CACNA1D: variants seen among roughly 807,000 people sequenced by gnomAD.
CACNA1D encodes the protein calcium voltage-gated channel subunit alpha1 D.
Under a neutral mutation model 257.1 loss-of-function variants are expected in CACNA1D, and 55 were observed. That is an observed-to-expected ratio of 0.21 (90% CI 0.17 to 0.27). The LOEUF (loss-of-function observed/expected upper bound fraction) is 0.27. Among genes scored for constraint, CACNA1D ranks in the 10% least tolerant of loss-of-function variants. CACNA1D has a pLI of 1.00. For missense variants in CACNA1D, 1,876 were observed against 2,784.0 expected, an observed-to-expected ratio of 0.67 and a Z score of 7.34; for synonymous variants, 980 against 1,014.9, an observed-to-expected ratio of 0.97 and a Z score of 0.65.
intron 8 of CACNA1D, among the ~76,000 whole-genome samples, chr3:53,680,113 A>T (rs988359417): frequency 6.6e-6 from 1 of 152,220 alleles, no homozygotes; most frequent in African/African-American, 2.4e-5. Flanking sequence ...CACACCTGAC[A>T]TTAACAAGTG....
intron 3 of CACNA1D, among the ~76,000 whole-genome samples, chr3:53,551,002 T>TG (rs984449354): frequency 2.6e-5 from 4 of 152,210 alleles, no homozygotes. Context: ...AAGGCCTAAC[T>TG]GTTTGCCAAA....
intron 3 of CACNA1D, among the ~76,000 whole-genome samples, chr3:53,605,992 C>G (rs1281480786): frequency 1.3e-5 from 2 of 152,144 alleles, no homozygotes; most frequent in African/African-American, 4.8e-5. Flanking sequence ...GCCTCTGGAC[C>G]TGTTTGTTTC....
intron 3 of CACNA1D, among the ~76,000 whole-genome samples, chr3:53,530,079 G>A (rs1365767451): frequency 2.6e-5 from 4 of 152,148 alleles, no homozygotes; most frequent in Non-Finnish European, 5.9e-5. Context: ...TACTGCTGTA[G>A]TTTGTTCTTG....
chr3:53,612,700 C>T (rs1392586846), intron 3 of CACNA1D, among the ~76,000 whole-genome samples: 1 of 152,144 alleles, frequency 6.6e-6, no homozygotes, highest in Non-Finnish European at 1.5e-5. Flanking sequence ...GTTTCCTCAG[C>T]TCAGTGAGAC....
intron 10 of CACNA1D, 163 bp downstream of exon 10, chr3:53,718,551 G>T: frequency 9.6e-7 from 1 of 1,046,392 alleles, no homozygotes; most frequent in Non-Finnish European, 1.4e-6. Flanking sequence ...CTGTGCCAGG[G>T]CTATCCCTCC....
chr3:53,647,092 C>T (rs1168378966), intron 3 of CACNA1D, among the ~76,000 whole-genome samples: 1 of 151,876 alleles, frequency 6.6e-6, no homozygotes, highest in African/African-American at 2.4e-5. Flanking sequence ...GCCTTTGTTT[C>T]TCTAGTGGCT....
intron 3 of CACNA1D, among the ~76,000 whole-genome samples, chr3:53,567,435 G>A (rs771816711): frequency 1.3e-5 from 2 of 152,170 alleles, no homozygotes; most frequent in Non-Finnish European, 2.9e-5. Flanking sequence ...ATTCACAAAT[G>A]TCAGACCTCA....
intron 8 of CACNA1D, among the ~76,000 whole-genome samples, chr3:53,674,908 T>G (rs1244641272): frequency 1.3e-5 from 2 of 152,180 alleles, no homozygotes; most frequent in African/African-American, 4.8e-5. Flanking sequence ...CTCACTCACT[T>G]TATCTTGCTC....
chr3:53,709,004 A>G (rs1421182023), intron 9 of CACNA1D, among the ~76,000 whole-genome samples: 1 of 152,156 alleles, frequency 6.6e-6, no homozygotes, highest in East Asian at 1.9e-4. Context: ...ACAATGGACT[A>G]TGCACTCTAC....
intron 8 of CACNA1D, among the ~76,000 whole-genome samples, chr3:53,688,895 A>G (rs556136923): frequency 3.1e-4 from 47 of 152,274 alleles, no homozygotes; most frequent in Non-Finnish European, 5.6e-4. Flanking sequence ...GGGTGAGAGT[A>G]CACCACCTGC....
intron 3 of CACNA1D, among the ~76,000 whole-genome samples, chr3:53,525,909 C>T (rs1186492060): frequency 6.6e-6 from 1 of 152,156 alleles, no homozygotes; most frequent in South Asian, 2.1e-4. Context: ...CTCAGGCGCT[C>T]AAATGATGTC....
chr3:53,642,640 T>A (rs1183979188), intron 3 of CACNA1D, among the ~76,000 whole-genome samples: 3 of 152,244 alleles, frequency 2.0e-5, no homozygotes, highest in Non-Finnish European at 4.4e-5. Flanking sequence ...CCAGGCATGC[T>A]GCTGCCCTCT....
In CACNA1D at chr3:53,778,807, A is replaced by G. The variant is rs879240954; in HGVS notation, c.4588-1219A>G. 2.0e-5 allele frequency among the ~76,000 whole-genome samples: 3 copies of G among 152,192 alleles called. No individual in the cohort carries two copies. In the South Asian group the frequency reaches 6.2e-4, roughly 32 times the overall value. On this transcript the variant is annotated intron_variant, in intron 37 of 47. Transcript: ENST00000350061. Reference sequence around the variant, plus strand: ...GTGGGGAGCATGGATCCTGCTCTGAAAGACCAAAGCCTGGGAGAAGCCACA... The same window carrying G: ...GTGGGGAGCATGGATCCTGCTCTGAGAGACCAAAGCCTGGGAGAAGCCACA...
At chr3:53,767,359 G>A (rs576431845) in intron 30 of CACNA1D, among the ~76,000 whole-genome samples, 12 of 152,164 alleles carry the variant, frequency 7.9e-5, no homozygotes, top group Non-Finnish European at 1.3e-4. Context: ...GAGGTCAGGA[G>A]TTGGAGACCA....
chr3:53,609,773 C>T (rs1187413354), intron 3 of CACNA1D, among the ~76,000 whole-genome samples: 1 of 152,034 alleles, frequency 6.6e-6, no homozygotes, highest in African/African-American at 2.4e-5. Context: ...TTTACTTTTG[C>T]GCTTGCCGTT....
chr3:53,588,944 C>G (rs1240770847), intron 3 of CACNA1D, among the ~76,000 whole-genome samples: 2 of 152,146 alleles, frequency 1.3e-5, no homozygotes, highest in Non-Finnish European at 2.9e-5. Context: ...TTTTGGAGAA[C>G]ACCTTTAATT....
chr3:53,509,588 G>A (rs1334299915), intron 3 of CACNA1D, among the ~76,000 whole-genome samples: 1 of 152,174 alleles, frequency 6.6e-6, no homozygotes, highest in Admixed American at 6.5e-5. Context: ...GAGGCTGGAG[G>A]GAATCAGGGG....
At chr3:53,533,391 T>G (rs1000006378) in intron 3 of CACNA1D, among the ~76,000 whole-genome samples, 7 of 152,152 alleles carry the variant, frequency 4.6e-5, no homozygotes, top group African/African-American at 1.7e-4. Flanking sequence ...GGGGTGACTT[T>G]GGCCAAAAAA....
At chr3:53,637,769 C>A (rs1170545407) in intron 3 of CACNA1D, among the ~76,000 whole-genome samples, 1 of 152,224 alleles carries the variant, frequency 6.6e-6, no homozygotes, top group Non-Finnish European at 1.5e-5. Context: ...TCCCGAGACT[C>A]AGTTCTGCCT....
Sources: allele counts gnomAD v4.1 joint callset (sites outside exome capture counted in the v4.1 genomes callset), GRCh38; gene constraint gnomAD v4.1.1; transcripts MANE v1.5; gene names NCBI Gene and HGNC (gene_info 2026-07-23, HGNC 2026-07-21).